PTS: variants seen among roughly 807,000 people sequenced by gnomAD.
PTS encodes 6-pyruvoyltetrahydropterin synthase.
PTS carries 23 observed loss-of-function variants against 20.6 expected under a neutral mutation model. That is an observed-to-expected ratio of 1.12 (90% CI 0.80 to 1.58). PTS has a LOEUF of 1.58. PTS is among the 40% of genes most tolerant of loss of function. The pLI, the probability that PTS is intolerant of heterozygous loss-of-function variation, is 0.00. For synonymous variants in PTS, 65 were observed against 62.5 expected, an observed-to-expected ratio of 1.04 and a Z score of -0.19; for missense variants, 186 against 182.4, an observed-to-expected ratio of 1.02 and a Z score of -0.11.
intron 5 of PTS, 32 bp from the exon 6 acceptor site, chr11:112,233,400 A>AT (rs753698606): frequency 1.0e-5 from 16 of 1,576,224 alleles, no homozygotes; most frequent in East Asian, 4.5e-5. Flanking sequence ...TGCATTTTGA[A>AT]TTTTTTTTGT....
In PTS at chr11:112,233,725, T is replaced by C; in HGVS notation, c.*170T>C. On this transcript the variant is annotated 3_prime_UTR_variant, in exon 6 of 6. Transcript: ENST00000280362. ...AGACCTGTTATAAATTTAAGTCTAT[T>C]TAAAACTAAACTTGTAATATACATC... is the stretch of plus-strand genomic sequence containing the variant. 1 of 907,984 alleles carries C rather than the reference T, an allele frequency of 1.1e-6. No homozygotes were observed. The highest frequency in any genetic ancestry group is 1.5e-6 in the Non-Finnish European group (1 of 664,278). The allele number at this position is 907,984 out of a possible 1,614,324, so 56.2% of individuals were successfully genotyped here. A position where few individuals can be genotyped will look rare whatever the true frequency, so the allele number is the denominator to read the frequency against.
rs1330330076 is a variant in PTS, at chr11:112,233,533, T to G, written c.416T>G (p.Ile139Ser). The G allele has an allele frequency of 1.9e-6, 3 of 1,613,748 alleles. No homozygotes were observed. The highest frequency in any genetic ancestry group is 2.5e-6 in the Non-Finnish European group (3 of 1,179,828). ...AAAGTATACGAAACTGACAATAATA[T>G]TGTGGTTTATAAAGGAGAATAGCTA... Reference protein sequence around the residue: ...KVKVYETDNNIVVYKGE With the variant: ...KVKVYETDNNSVVYKGE The change falls in exon 6 of 6, where the codon ATT becomes AGT. Residue 139 changes from isoleucine (I) to serine (S), a missense_variant. Transcript: ENST00000280362.
chr11:112,227,673 T>C (rs1364328265), intron 1 of PTS, among the ~76,000 whole-genome samples: 1 of 148,358 alleles, frequency 6.7e-6, no homozygotes, highest in Non-Finnish European at 1.5e-5. Flanking sequence ...GGTGCCAGGC[T>C]TTTTTTAACA....
chr11:112,228,463 C>T, intron 1 of PTS, 131 bp from the exon 2 acceptor site: 1 of 761,542 alleles, frequency 1.3e-6, no homozygotes, highest in Non-Finnish European at 2.1e-6. Flanking sequence ...CTGACTCTCC[C>T]TTTGGTGAGC....
Position 112,233,550 on chromosome 11 carries a change from G to A in PTS, c.433G>A (p.Glu145Lys). 6.2e-7 allele frequency: 1 copy of A among 1,613,552 alleles called. No homozygotes were observed. The highest frequency in any genetic ancestry group is 2.2e-5 in the East Asian group (1 of 44,810). ...CAATAATATTGTGGTTTATAAAGGAGAATAGCTATTGGGGTTAGCATTGCA... is the reference window on the plus strand; with the variant it reads ...CAATAATATTGTGGTTTATAAAGGAAAATAGCTATTGGGGTTAGCATTGCA... ...TDNNIVVYKG[E>K] Residue 145 changes from glutamate to lysine, a missense_variant, in exon 6 of 6, where the codon GAA becomes AAA. Physicochemically the swap from Glu to Lys is moderately conservative, Grantham distance 56. Coordinates refer to ENST00000280362, the MANE Select transcript of PTS (RefSeq NM_000317.3).
chr11:112,228,827 T>G (rs1859897268), intron 2 of PTS, 154 bp downstream of exon 2: 1 of 734,052 alleles, frequency 1.4e-6, no homozygotes, highest in African/African-American at 1.8e-5. Flanking sequence ...TGAAAGGATC[T>G]GTTGTCTTGG....
intron 1 of PTS, chr11:112,228,134 G>C (rs746408801): frequency 4.0e-5 from 7 of 173,640 alleles, no homozygotes; most frequent in Non-Finnish European, 8.6e-5. Context: ...AGACTTACCA[G>C]GTCATGTAAT....
chr11:112,227,241 T>C (rs1032822260), intron 1 of PTS, among the ~76,000 whole-genome samples: 1 of 152,018 alleles, frequency 6.6e-6, no homozygotes, highest in Non-Finnish European at 1.5e-5. Context: ...AGGATGACCA[T>C]CGCTATCTAA....
intron 3 of PTS, 87 bp downstream of exon 3, chr11:112,230,317 C>G: frequency 6.8e-7 from 1 of 1,466,398 alleles, no homozygotes; most frequent in Non-Finnish European, 9.6e-7. Context: ...GAAAACTGTT[C>G]CAGTCAGTAT....
chr11:112,233,046 T>TA (rs1859961051), intron 4 of PTS, 117 bp from the exon 5 acceptor site: 1 of 1,019,416 alleles, frequency 9.8e-7, no homozygotes, highest in African/African-American at 1.6e-5. Flanking sequence ...ATCTAGTACT[T>TA]ACAAATATTT....
At chr11:112,228,826 C>A (rs1011709649) in intron 2 of PTS, 153 bp downstream of exon 2, 1 of 736,938 alleles carries the variant, frequency 1.4e-6, no homozygotes, top group Non-Finnish European at 2.3e-6. Context: ...ATGAAAGGAT[C>A]TGTTGTCTTG....
At chr11:112,227,690 T>C (rs1447805914) in intron 1 of PTS, among the ~76,000 whole-genome samples, 1 of 151,942 alleles carries the variant, frequency 6.6e-6, no homozygotes, top group Non-Finnish European at 1.5e-5. Context: ...AACAACCAGC[T>C]CGCCCATTGA....
At chr11:112,233,302 G>A (rs909533815) in intron 5 of PTS, 69 bp downstream of exon 5, 48 of 1,560,550 alleles carry the variant, frequency 3.1e-5, no homozygotes, top group South Asian at 1.6e-4. Flanking sequence ...TTTGATTGTT[G>A]TGTGATTTCT....
intron 1 of PTS, chr11:112,228,375 T>C: frequency 3.4e-6 from 2 of 583,170 alleles, no homozygotes; most frequent in Non-Finnish European, 6.1e-6. Flanking sequence ...TTGTGCTAAT[T>C]TGTATGGTAC....
intron 3 of PTS, 146 bp from the exon 4 acceptor site, chr11:112,230,480 T>A: frequency 1.2e-6 from 1 of 833,350 alleles, no homozygotes; most frequent in Non-Finnish European, 2.1e-6. Context: ...GGTGCTTCCA[T>A]GCTGAGGTCA....
intron 1 of PTS, among the ~76,000 whole-genome samples, chr11:112,227,813 A>T (rs985195339): frequency 6.6e-6 from 1 of 152,174 alleles, no homozygotes; most frequent in Non-Finnish European, 1.5e-5. Context: ...AACACTGGGG[A>T]TCACATTTCA....
intron 1 of PTS, among the ~76,000 whole-genome samples, 178 bp downstream of exon 1, chr11:112,226,704 C>T (rs925898246): frequency 3.3e-5 from 5 of 151,860 alleles, no homozygotes; most frequent in African/African-American, 1.2e-4. Context: ...CTGATGGGGG[C>T]TGGAGTGTCC....
chr11:112,228,591 C>G lies in PTS; in HGVS notation c.84-3C>G, dbSNP rs1230781262. The G allele has an allele frequency of 1.1e-5, 16 of 1,517,502 alleles. No individual in the cohort carries two copies. Among genetic ancestry groups the G allele is most frequent in the Non-Finnish European group, 1.4e-5 (16 of 1,140,952 alleles). 94.0% of individuals were successfully genotyped at this position (1,517,502 alleles called of 1,614,324 possible). ...GCTGACTTTTTTTTTTTTTTTTGGT[C>G]AGTAAATTTCTAAGTGATGAAGAAA... On this transcript the variant is annotated splice_region_variant and splice_polypyrimidine_tract_variant and intron_variant, in intron 1 of 5. Coordinates refer to ENST00000280362, the MANE Select transcript of PTS (RefSeq NM_000317.3).
chr11:112,228,406 T>C, intron 1 of PTS, 188 bp from the exon 2 acceptor site: 1 of 612,310 alleles, frequency 1.6e-6, no homozygotes, highest in Non-Finnish European at 2.9e-6. Flanking sequence ...TTAGGGAATA[T>C]GCCATGGTTT....
Sources: allele counts gnomAD v4.1 joint callset (sites outside exome capture counted in the v4.1 genomes callset), GRCh38; gene constraint gnomAD v4.1.1; transcripts MANE v1.5; gene names NCBI Gene and HGNC (gene_info 2026-07-23, HGNC 2026-07-21).